Variants in DNAH8 observed in about 807,000 individuals in gnomAD.
DNAH8 encodes dynein axonemal heavy chain 8.
DNAH8 carries 382 observed loss-of-function variants against 562.1 expected under a neutral mutation model. The ratio of observed to expected loss-of-function variants is 0.68; its 90% CI spans 0.63 to 0.74. DNAH8 has a LOEUF of 0.74. DNAH8 is among the 30% of genes least tolerant of loss of function. The pLI, the probability that DNAH8 is intolerant of heterozygous loss-of-function variation, is 0.00. For missense variants in DNAH8, 5,203 were observed against 5,620.4 expected (o/e 0.93, Z 2.37); for synonymous variants, 1,881 against 1,919.4 (o/e 0.98, Z 0.52).
At chr6:38,913,977 T>A (rs1781101185) in intron 67 of DNAH8, 25 bp downstream of exon 67, 1 of 1,532,908 alleles carries the variant, frequency 6.5e-7, no homozygotes, top group African/African-American at 1.4e-5. Context: ...ATTTTATCAC[T>A]GATGAGGAAT....
intron 55 of DNAH8, 134 bp from the exon 56 acceptor site, chr6:38,883,742 T>C (rs1778692830): frequency 1.4e-5 from 10 of 711,180 alleles, no homozygotes; most frequent in Non-Finnish European, 2.0e-5. Context: ...TTTAACAACA[T>C]ATATTTTAAT....
intron 32 of DNAH8, among the ~76,000 whole-genome samples, chr6:38,836,808 C>A (rs1774343806): frequency 6.6e-6 from 1 of 152,158 alleles, no homozygotes; most frequent in African/African-American, 2.4e-5. Flanking sequence ...TTCTTGGGCA[C>A]CCTGCTGGCC....
At position 38,842,685 on chromosome 6, in the gene DNAH8, C is replaced by A; in HGVS notation, c.4627C>A (p.Leu1543Ile). 6.2e-7 allele frequency: 1 copy of A among 1,613,254 alleles called. No homozygotes were observed. The highest frequency in any genetic ancestry group is 1.7e-4 in the Middle Eastern group (1 of 6,058). Residue 1543 changes from leucine (L) to isoleucine (I), a missense_variant, in exon 35 of 93, where the codon CTT (leucine) becomes ATT (isoleucine). This residue lies in a region of DNAH8 where 2,176 missense variants were observed against 2,365.1 expected (regional missense o/e 0.92). Coordinates refer to ENST00000327475, the MANE Select transcript of DNAH8 (RefSeq NM_001206927.2). Reference sequence around the variant, plus strand: ...AAGATGTCGTAAACTTCCAAAAGGACTTAAAGATTGGCAAGCTTTTTTGGA... The same window carrying A: ...AAGATGTCGTAAACTTCCAAAAGGAATTAAAGATTGGCAAGCTTTTTTGGA... ...QNRCRKLPKG[L>I]KDWQAFLDLK...
In DNAH8 at chr6:39,029,416, C is replaced by T. The variant is rs118014861; in HGVS notation, c.13837-689C>T. On this transcript the variant is annotated intron_variant, in intron 92 of 92. Transcript: ENST00000327475. Reference sequence around the variant, plus strand: ...CGCCCTCACCCCCAGAACAGTTCACCGGGCACCACCAGTAACAAGTGTGTG... The same window carrying T: ...CGCCCTCACCCCCAGAACAGTTCACTGGGCACCACCAGTAACAAGTGTGTG... Among the ~76,000 whole-genome samples the T allele has an allele frequency of 4.3e-4, 66 of 152,310 alleles. 2 individuals are homozygous for T. In the East Asian group the frequency reaches 0.011, roughly 26 times the overall value.
intron 10 of DNAH8, among the ~76,000 whole-genome samples, chr6:38,756,500 T>G (rs35767740): frequency 6.6e-6 from 1 of 151,944 alleles, no homozygotes; most frequent in Non-Finnish European, 1.5e-5. Flanking sequence ...CAATATATAT[T>G]TAAATTTGCT....
At chr6:38,821,527 A>C (rs900058529) in intron 26 of DNAH8, among the ~76,000 whole-genome samples, 4 of 152,180 alleles carry the variant, frequency 2.6e-5, no homozygotes, top group African/African-American at 9.7e-5. Flanking sequence ...GGCCAAAAAA[A>C]TTTTGAAAAA....
At chr6:38,971,781 A>G in intron 83 of DNAH8, 116 bp downstream of exon 83, 3 of 692,818 alleles carry the variant, frequency 4.3e-6, no homozygotes, top group Non-Finnish European at 6.7e-6. Context: ...TTTGTTTATC[A>G]TTACCTGTGA....
intron 12 of DNAH8, among the ~76,000 whole-genome samples, chr6:38,773,259 C>A (rs1308152606): frequency 2.6e-5 from 3 of 117,610 alleles, no homozygotes; most frequent in Non-Finnish European, 6.1e-5. Flanking sequence ...CTCAGTTACC[C>A]CTACCCCTAT....
At chr6:38,911,416 T>C (rs1256316003) in intron 65 of DNAH8, 52 bp from the exon 66 acceptor site, 6 of 1,309,544 alleles carry the variant, frequency 4.6e-6, no homozygotes, top group Non-Finnish European at 6.6e-6. Context: ...GGTGTCGTTT[T>C]ATGGGAGTAC....
chr6:38,939,917 C>G (rs898123132), intron 79 of DNAH8, among the ~76,000 whole-genome samples: 5 of 152,026 alleles, frequency 3.3e-5, no homozygotes, highest in African/African-American at 1.2e-4. Flanking sequence ...AGAAAGGGAA[C>G]GAGTGGAGAA....
chr6:38,905,435 A>G (rs1321719631), intron 62 of DNAH8, among the ~76,000 whole-genome samples: 2 of 152,312 alleles, frequency 1.3e-5, no homozygotes, highest in African/African-American at 4.8e-5. Flanking sequence ...ACCTTATTGC[A>G]CAATGCATCT....
At chr6:38,856,681 G>A (rs919875216) in intron 41 of DNAH8, among the ~76,000 whole-genome samples, 3 of 152,112 alleles carry the variant, frequency 2.0e-5, no homozygotes, top group African/African-American at 7.2e-5. Flanking sequence ...AGCAGGAAAA[G>A]TATCAAAGTC....
At chr6:38,734,341 A>AT in intron 4 of DNAH8, 133 bp from the exon 5 acceptor site, 3 of 791,778 alleles carry the variant, frequency 3.8e-6, no homozygotes, top group Non-Finnish European at 5.1e-6. Flanking sequence ...CCCCCAAAAA[A>AT]ATTATTCTAT....
chr6:38,729,653 A>G (rs371484523), intron 3 of DNAH8, among the ~76,000 whole-genome samples: 2 of 152,286 alleles, frequency 1.3e-5, no homozygotes, highest in Admixed American at 6.5e-5. Flanking sequence ...TAACCCCTAT[A>G]TGATTCTGTG....
intron 13 of DNAH8, among the ~76,000 whole-genome samples, chr6:38,776,338 C>T (rs1038386593): frequency 6.6e-6 from 1 of 151,988 alleles, no homozygotes; most frequent in Admixed American, 6.6e-5. Flanking sequence ...CTGCCCCAGC[C>T]TCCCAAGTAA....
At chr6:38,824,771 C>T (rs935355850) in intron 28 of DNAH8, among the ~76,000 whole-genome samples, 3 of 151,766 alleles carry the variant, frequency 2.0e-5, no homozygotes, top group Admixed American at 6.6e-5. Flanking sequence ...TAGTACCTGG[C>T]GTATGATTGA....
Position 38,871,910 on chromosome 6 carries a change from T to C in DNAH8, c.6991-626T>C, listed in dbSNP as rs547212182. On this transcript the variant is annotated intron_variant, in intron 49 of 92. Transcript: ENST00000327475. Reference sequence around the variant, plus strand: ...GCCTGGTTCCAGGTGGAGCAATCTTTGAGGTGTAAGTTACACTCCAGTCTC... The same window carrying C: ...GCCTGGTTCCAGGTGGAGCAATCTTCGAGGTGTAAGTTACACTCCAGTCTC... Among the ~76,000 whole-genome samples the C allele has an allele frequency of 2.0e-4, 31 of 152,326 alleles. No individual in the cohort carries two copies. In the East Asian group the frequency reaches 4.2e-3, roughly 21 times the overall value.
intron 80 of DNAH8, among the ~76,000 whole-genome samples, chr6:38,949,183 G>T (rs1383906013): frequency 6.6e-6 from 1 of 152,126 alleles, no homozygotes; most frequent in Non-Finnish European, 1.5e-5. Context: ...ACCTTGATTT[G>T]TGTTTCTTCT....
At chr6:38,884,193 T>C (rs888976191) in intron 56 of DNAH8, among the ~76,000 whole-genome samples, 195 bp downstream of exon 56, 1 of 152,216 alleles carries the variant, frequency 6.6e-6, no homozygotes, top group African/African-American at 2.4e-5. Flanking sequence ...TTTTTGTTTT[T>C]GTTTTTTTAT....
Sources: allele counts gnomAD v4.1 joint callset (sites outside exome capture counted in the v4.1 genomes callset), GRCh38; gene constraint gnomAD v4.1.1; regional missense constraint gnomAD v4.1.1; transcripts MANE v1.5; gene names NCBI Gene and HGNC (gene_info 2026-07-23, HGNC 2026-07-21).